SNTG1: variants seen among roughly 807,000 people sequenced by gnomAD.
The protein encoded by SNTG1 is gamma-1-syntrophin.
A neutral mutation model predicts 74.7 loss-of-function variants in SNTG1; 39 were observed. The observed-to-expected ratio is 0.52, with a 90% CI of 0.40 to 0.68. SNTG1 has a LOEUF of 0.68. Ranked by LOEUF, SNTG1 falls within the 30% of genes least tolerant of loss-of-function variation. SNTG1 has a pLI of 0.00. For synonymous variants in SNTG1, 254 were observed against 217.1 expected (o/e 1.17, Z -1.49); for missense variants, 685 against 609.5 (o/e 1.12, Z -1.30).
chr8:50,191,918 C>A (rs2083592903), intron 2 of SNTG1, among the ~76,000 whole-genome samples: 1 of 152,034 alleles, frequency 6.6e-6, no homozygotes. Flanking sequence ...AACTCAAAAG[C>A]AAATGTAATA....
At chr8:50,029,500 C>T (rs1256453193) in intron 1 of SNTG1, among the ~76,000 whole-genome samples, 2 of 151,894 alleles carry the variant, frequency 1.3e-5, no homozygotes, top group Non-Finnish European at 2.9e-5. Flanking sequence ...CCTCCACCTC[C>T]CCACTTCTCT....
intron 1 of SNTG1, among the ~76,000 whole-genome samples, chr8:50,065,733 T>C (rs1264147683): frequency 6.6e-6 from 1 of 152,210 alleles, no homozygotes; most frequent in Non-Finnish European, 1.5e-5. Flanking sequence ...CTTAAGTTCT[T>C]AAATATGCTG....
intron 13 of SNTG1, among the ~76,000 whole-genome samples, chr8:50,653,721 A>C (rs2095162972): frequency 6.6e-6 from 1 of 152,162 alleles, no homozygotes; most frequent in African/African-American, 2.4e-5. Context: ...TAAAGTTTTT[A>C]CTTTACAACA....
chr8:50,785,504 G>A (rs1056091725), intron 18 of SNTG1, among the ~76,000 whole-genome samples: 1 of 151,850 alleles, frequency 6.6e-6, no homozygotes, highest in Admixed American at 6.6e-5. Context: ...CCTAAAAGAA[G>A]GAAAGATATT....
intron 13 of SNTG1, among the ~76,000 whole-genome samples, chr8:50,638,013 C>T (rs1214736936): frequency 6.6e-6 from 1 of 152,008 alleles, no homozygotes; most frequent in African/African-American, 2.4e-5. Context: ...AGAATTACCC[C>T]CAAAGATGTA....
intron 2 of SNTG1, among the ~76,000 whole-genome samples, chr8:50,377,413 G>A (rs984657579): frequency 2.0e-5 from 3 of 152,192 alleles, no homozygotes; most frequent in South Asian, 2.1e-4. Flanking sequence ...TTGCAAAATA[G>A]GGTATTCTTC....
intron 1 of SNTG1, among the ~76,000 whole-genome samples, chr8:49,956,677 C>CT (rs910286771): frequency 4.6e-4 from 69 of 151,228 alleles, no homozygotes; most frequent in South Asian, 8.4e-4. Context: ...TTTCATTTCT[C>CT]TTTTTTTTTA....
At chr8:50,719,664 C>T (rs73678636) in intron 17 of SNTG1, among the ~76,000 whole-genome samples, 3,297 of 152,140 alleles carry the variant, frequency 0.022, 103 homozygotes, top group African/African-American at 0.071. Context: ...AAACAGCATA[C>T]CATGACCAGT....
intron 1 of SNTG1, among the ~76,000 whole-genome samples, chr8:50,025,459 T>C (rs1193806945): frequency 6.6e-6 from 1 of 152,122 alleles, no homozygotes; most frequent in Non-Finnish European, 1.5e-5. Context: ...TACTATGAGA[T>C]GATGTGATAG....
intron 8 of SNTG1, among the ~76,000 whole-genome samples, chr8:50,469,101 G>C (rs959541751): frequency 2.0e-5 from 3 of 151,132 alleles, no homozygotes; most frequent in Admixed American, 6.6e-5. Context: ...TTGCTTGTGT[G>C]TATCTGAGCT....
At chr8:50,106,384 G>T (rs1055036120) in intron 1 of SNTG1, among the ~76,000 whole-genome samples, 7 of 152,018 alleles carry the variant, frequency 4.6e-5, no homozygotes, top group African/African-American at 1.7e-4. Context: ...TCCCAAAATT[G>T]GGAATTATAA....
chr8:50,429,744 G>A (rs968298772), intron 4 of SNTG1, among the ~76,000 whole-genome samples: 4 of 152,076 alleles, frequency 2.6e-5, no homozygotes, highest in Non-Finnish European at 5.9e-5. Flanking sequence ...CAAATCTAGT[G>A]TGGTATTTAT....
intron 2 of SNTG1, among the ~76,000 whole-genome samples, chr8:50,309,981 T>C (rs765915782): frequency 1.3e-5 from 2 of 152,218 alleles, no homozygotes; most frequent in Non-Finnish European, 2.9e-5. Flanking sequence ...ATTCAGTGTC[T>C]ATGTGCGTAA....
At chr8:50,060,699 A>G (rs1212110023) in intron 1 of SNTG1, among the ~76,000 whole-genome samples, 2 of 151,992 alleles carry the variant, frequency 1.3e-5, no homozygotes, top group Non-Finnish European at 2.9e-5. Context: ...CAGCTTTTTA[A>G]AATGCTATTT....
intron 4 of SNTG1, among the ~76,000 whole-genome samples, chr8:50,423,767 T>TA (rs1479983348): frequency 6.6e-6 from 1 of 152,046 alleles, no homozygotes; most frequent in South Asian, 2.1e-4. Context: ...ATGAGAGATG[T>TA]AAAAAATATA....
intron 1 of SNTG1, among the ~76,000 whole-genome samples, chr8:50,018,970 C>T (rs1029124449): frequency 6.6e-6 from 1 of 151,894 alleles, no homozygotes; most frequent in African/African-American, 2.4e-5. Context: ...AAATCTACTC[C>T]TAGGTATATA....
chr8:50,276,410 A>ATATATATATATAT, intron 2 of SNTG1, among the ~76,000 whole-genome samples: 1 of 138,084 alleles, frequency 7.2e-6, no homozygotes, highest in South Asian at 2.3e-4. Flanking sequence ...TATATATATA[A>ATATATATATATAT]ATCATATATT....
chr8:50,686,641 A>C (rs1241128989), intron 15 of SNTG1, among the ~76,000 whole-genome samples: 1 of 152,108 alleles, frequency 6.6e-6, no homozygotes, highest in East Asian at 1.9e-4. Context: ...CAATTATTTA[A>C]AAATTTATTT....
At chr8:50,541,243 CTGTGTGTG>C (rs200129335) in intron 11 of SNTG1, among the ~76,000 whole-genome samples, 6 of 142,960 alleles carry the variant, frequency 4.2e-5, no homozygotes, top group South Asian at 2.2e-4. Flanking sequence ...AAGATTTTAC[CTGTGTGTG>C]TGTGTGTGTG....
Sources: allele counts gnomAD v4.1 joint callset (sites outside exome capture counted in the v4.1 genomes callset), GRCh38; gene constraint gnomAD v4.1.1; transcripts MANE v1.5; gene names NCBI Gene and HGNC (gene_info 2026-07-23, HGNC 2026-07-21).